Variants in RBFOX1 observed in about 807,000 individuals in gnomAD.
RBFOX1 encodes the protein RNA binding protein fox-1 homolog 1.
RBFOX1 carries 8 observed loss-of-function variants against 57.7 expected under a neutral mutation model. The observed-to-expected ratio is 0.14, with a 90% CI of 0.08 to 0.25. The LOEUF (loss-of-function observed/expected upper bound fraction) is 0.25, where lower values mean the gene tolerates loss of function less well. RBFOX1 is among the 10% of genes least tolerant of loss of function. RBFOX1 has a pLI of 1.00. For missense variants in RBFOX1, 611 were observed against 548.5 expected (o/e 1.11, Z -1.14); for synonymous variants, 326 against 222.4 (o/e 1.47, Z -4.15).
intron 3 of RBFOX1, among the ~76,000 whole-genome samples, chr16:5,700,015 G>T (rs1044029760): frequency 1.3e-5 from 2 of 152,036 alleles, no homozygotes; most frequent in African/African-American, 4.8e-5. Flanking sequence ...TGTATTTTTA[G>T]TAGAGACGGG....
Position 7,536,991 on chromosome 16 carries a change from C to G in RBFOX1, c.270+18602C>G, listed in dbSNP as rs565934420. On this transcript the variant is annotated intron_variant, in intron 5 of 15. Coordinates refer to ENST00000550418, the MANE Select transcript of RBFOX1 (RefSeq NM_018723.4). ...GATGGTGGCCCAAGTTGAGGATAAA[C>G]AGGTGAGCAAGAAACACTCATACAG... Among the ~76,000 whole-genome samples the G allele has an allele frequency of 1.3e-3, 203 of 152,288 alleles. 1 individual carries two copies. The highest frequency in any genetic ancestry group is 4.6e-3 in the African/African-American group (190 of 41,574).
intron 4 of RBFOX1, among the ~76,000 whole-genome samples, chr16:7,128,211 A>G (rs1377549519): frequency 6.6e-6 from 1 of 152,180 alleles, no homozygotes; most frequent in African/African-American, 2.4e-5. Flanking sequence ...GAATAATAGC[A>G]TGTATTAAGT....
At chr16:7,500,286 T>C (rs2070294852) in intron 4 of RBFOX1, among the ~76,000 whole-genome samples, 1 of 152,180 alleles carries the variant, frequency 6.6e-6, no homozygotes, top group African/African-American at 2.4e-5. Flanking sequence ...AACTGTTTGG[T>C]TTCAATTCTG....
intron 1 of RBFOX1, among the ~76,000 whole-genome samples, chr16:5,462,048 C>G (rs1016211485): frequency 1.3e-5 from 2 of 152,134 alleles, no homozygotes; most frequent in Non-Finnish European, 2.9e-5. Flanking sequence ...GTGCCAGCTC[C>G]TCACACCATC....
chr16:6,124,150 G>A (rs1363801238), intron 1 of RBFOX1, among the ~76,000 whole-genome samples: 1 of 152,100 alleles, frequency 6.6e-6, no homozygotes, highest in East Asian at 1.9e-4. Flanking sequence ...TTATTTGTCA[G>A]CATTTCACTA....
intron 3 of RBFOX1, among the ~76,000 whole-genome samples, chr16:6,845,330 T>G (rs1567527790): frequency 6.6e-6 from 1 of 152,252 alleles, no homozygotes; most frequent in Middle Eastern, 3.4e-3. Context: ...ATTTAACTCT[T>G]TAATCTTTCT....
At chr16:6,153,145 T>C (rs982413594) in intron 1 of RBFOX1, among the ~76,000 whole-genome samples, 1 of 151,878 alleles carries the variant, frequency 6.6e-6, no homozygotes, top group Admixed American at 6.6e-5. Flanking sequence ...CCTGAGACTT[T>C]GGTGTACCCA....
chr16:7,285,252 C>T (rs901293702), intron 4 of RBFOX1, among the ~76,000 whole-genome samples: 2 of 151,822 alleles, frequency 1.3e-5, no homozygotes, highest in Non-Finnish European at 2.9e-5. Flanking sequence ...TTCCAATGTA[C>T]CCTTTACACA....
chr16:7,279,075 G>T (rs192059595), intron 4 of RBFOX1, among the ~76,000 whole-genome samples: 1 of 150,328 alleles, frequency 6.7e-6, no homozygotes. Context: ...AAGTGACGTA[G>T]GTTTCTGGAG....
intron 1 of RBFOX1, among the ~76,000 whole-genome samples, chr16:6,078,508 A>G (rs1313067894): frequency 6.6e-6 from 1 of 152,072 alleles, no homozygotes; most frequent in Non-Finnish European, 1.5e-5. Context: ...AAGCCAAAAG[A>G]CTGGACACCC....
intron 2 of RBFOX1, among the ~76,000 whole-genome samples, chr16:6,438,523 A>G (rs1034896563): frequency 2.0e-5 from 3 of 152,194 alleles, no homozygotes; most frequent in Non-Finnish European, 4.4e-5. Context: ...ATTGTTTGGT[A>G]GTGGACTGGG....
At chr16:7,454,035 C>T (rs1190083894) in intron 4 of RBFOX1, among the ~76,000 whole-genome samples, 1 of 152,160 alleles carries the variant, frequency 6.6e-6, no homozygotes, top group East Asian at 1.9e-4. Flanking sequence ...GAGTTCCAGA[C>T]CAGCCTCACC....
intron 2 of RBFOX1, among the ~76,000 whole-genome samples, chr16:6,454,732 T>A (rs1430202900): frequency 6.6e-6 from 1 of 152,062 alleles, no homozygotes; most frequent in Admixed American, 6.5e-5. Context: ...TGTCTGTGGT[T>A]CAAAAATGAA....
At chr16:7,132,840 C>T (rs370490929) in intron 4 of RBFOX1, among the ~76,000 whole-genome samples, 1 of 152,068 alleles carries the variant, frequency 6.6e-6, no homozygotes, top group East Asian at 1.9e-4. Flanking sequence ...CTTTCAGTAA[C>T]TGCCATAAAG....
At chr16:5,662,397 T>A (rs1055980746) in intron 3 of RBFOX1, among the ~76,000 whole-genome samples, 1 of 152,186 alleles carries the variant, frequency 6.6e-6, no homozygotes, top group African/African-American at 2.4e-5. Context: ...ACATAATCTA[T>A]TATGTGTGAA....
intron 3 of RBFOX1, among the ~76,000 whole-genome samples, chr16:6,854,901 A>G (rs539681999): frequency 1.3e-5 from 2 of 151,784 alleles, no homozygotes; most frequent in South Asian, 4.2e-4. Context: ...GCCGAGGTGA[A>G]TAATTTTTTT....
At chr16:5,570,666 C>T (rs1451895959) in intron 2 of RBFOX1, among the ~76,000 whole-genome samples, 9 of 152,002 alleles carry the variant, frequency 5.9e-5, no homozygotes, top group Non-Finnish European at 1.2e-4. Flanking sequence ...ATGATGAAAC[C>T]TCGTCTCTAC....
chr16:5,533,760 C>T (rs1322630747), intron 2 of RBFOX1, among the ~76,000 whole-genome samples: 1 of 152,148 alleles, frequency 6.6e-6, no homozygotes, highest in Non-Finnish European at 1.5e-5. Context: ...CTGAAGTCAG[C>T]AAAGTGACTG....
chr16:6,461,225 C>T (rs980237396), intron 2 of RBFOX1, among the ~76,000 whole-genome samples: 1 of 152,090 alleles, frequency 6.6e-6, no homozygotes, highest in East Asian at 1.9e-4. Flanking sequence ...ATGTAGTGCA[C>T]CCACACATCC....
Sources: gnomAD v4.1 joint callset for allele counts (sites outside exome capture counted in the v4.1 genomes callset) on GRCh38, gnomAD v4.1.1 for gene constraint, MANE v1.5 for transcripts, NCBI Gene and HGNC (gene_info 2026-07-23, HGNC 2026-07-21) for gene names.